Variants in HSD17B13 observed in about 807,000 individuals in gnomAD.
HSD17B13 encodes hydroxysteroid 17-beta dehydrogenase 13, also known as 17-beta-hydroxysteroid dehydrogenase 13.
In HSD17B13, 26 loss-of-function variants were observed where a neutral mutation model predicts 31.1. The ratio of observed to expected loss-of-function variants is 0.84; its 90% CI spans 0.61 to 1.16. The LOEUF (loss-of-function observed/expected upper bound fraction) is 1.16. Among genes scored for constraint, HSD17B13 ranks in the 50% most tolerant of loss-of-function variants. The probability of loss-of-function intolerance (pLI) is 0.00; values close to 1 mark genes in which losing one functional copy is unlikely to be tolerated. For synonymous variants in HSD17B13, 141 were observed against 133.7 expected (o/e 1.05, Z -0.38); for missense variants, 374 against 366.5 (o/e 1.02, Z -0.17).
At position 87,313,956 on chromosome 4, in the gene HSD17B13, T is replaced by C; in HGVS notation, c.562A>G (p.Ser188Gly). The change falls in exon 5 of 7, where the codon AGC becomes GGC. Residue 188 changes from serine to glycine, a missense_variant. Coordinates refer to ENST00000328546, the MANE Select transcript of HSD17B13 (RefSeq NM_178135.5). ...GIPYLIPYCS[S>G]KFAAVGFHRG... ...TGAAAGCCAACAGCGGCAAATTTGCTGGAACTGTAAGAGAATTATTAAGCA... is the reference window on the plus strand; with the variant it reads ...TGAAAGCCAACAGCGGCAAATTTGCCGGAACTGTAAGAGAATTATTAAGCA... The C allele has an allele frequency of 6.4e-7, 1 of 1,560,620 alleles. No individual in the cohort carries two copies. The highest frequency in any genetic ancestry group is 8.7e-7 in the Non-Finnish European group (1 of 1,154,834).
At chr4:87,308,123 C>T (rs1464551429) in intron 6 of HSD17B13, among the ~76,000 whole-genome samples, 1 of 152,150 alleles carries the variant, frequency 6.6e-6, no homozygotes, top group African/African-American at 2.4e-5. Flanking sequence ...TTCTCTAAGA[C>T]TTTAACATTT....
intron 4 of HSD17B13, 147 bp from the exon 5 acceptor site, chr4:87,314,107 T>C: frequency 2.0e-6 from 1 of 491,454 alleles, no homozygotes; most frequent in Non-Finnish European, 3.6e-6. Flanking sequence ...TAAATGGCAA[T>C]TCATTTTCAT....
chr4:87,317,845 A>G (rs1362993210), intron 2 of HSD17B13, among the ~76,000 whole-genome samples: 1 of 152,130 alleles, frequency 6.6e-6, no homozygotes, highest in Non-Finnish European at 1.5e-5. Flanking sequence ...GAATTAAAAA[A>G]TGTAAAGTTT....
chr4:87,306,088 C>T (rs1335413251), intron 6 of HSD17B13, among the ~76,000 whole-genome samples: 1 of 152,146 alleles, frequency 6.6e-6, no homozygotes, highest in Non-Finnish European at 1.5e-5. Flanking sequence ...TCTTAAGATA[C>T]CCAGGTTGCT....
At chr4:87,309,669 G>A (rs1734482282) in intron 6 of HSD17B13, among the ~76,000 whole-genome samples, 1 of 152,062 alleles carries the variant, frequency 6.6e-6, no homozygotes, top group African/African-American at 2.4e-5. Flanking sequence ...TCACTATATT[G>A]CATTCTTTTT....
Position 87,313,868 on chromosome 4 carries a change from C to G in HSD17B13, c.650G>C (p.Cys217Ser). 1 of 1,612,174 alleles carries G rather than the reference C, an allele frequency of 6.2e-7. No homozygotes were observed. Among genetic ancestry groups the G allele is most frequent in the Non-Finnish European group, 8.5e-7 (1 of 1,179,212 alleles). ...GKTGIKTSCLCPVFVNTGFTK... is the reference protein window; with the variant it reads ...GKTGIKTSCLSPVFVNTGFTK... Reference sequence around the variant, plus strand: ...GAACCCAGTATTCACAAAAACTGGGCAGAGACATGAGGTTTTGATACCAGT... The same window carrying G: ...GAACCCAGTATTCACAAAAACTGGGGAGAGACATGAGGTTTTGATACCAGT... The change falls in exon 5 of 7, where the codon TGC (cysteine) becomes TCC (serine). Residue 217 changes from cysteine (C) to serine (S), a missense_variant. Cys to Ser is a moderately radical substitution (Grantham distance 112). Transcript: ENST00000328546.
intron 2 of HSD17B13, 99 bp downstream of exon 2, chr4:87,318,230 C>A: frequency 1.1e-6 from 1 of 882,030 alleles, no homozygotes. Context: ...AGCTAAAATC[C>A]AATTTAAATC....
rs147558643 is a variant in HSD17B13 at position 87,318,364 on chromosome 4, T to C, written c.283A>G (p.Ser95Gly). Residue 95 changes from serine (S) to glycine (G), a missense_variant, in exon 2 of 7, where the codon AGC becomes GGC. Physicochemically the swap from Ser to Gly is moderately conservative, Grantham distance 56. Transcript: ENST00000328546. ...GAGCGATAGATCTCTTCTCTGTTGC[T>C]GCAGTCTACCACATACGCATGCGCA... is the stretch of plus-strand genomic sequence containing the variant. Reference protein sequence around the residue: ...VTAHAYVVDCSNREEIYRSLN... With the variant: ...VTAHAYVVDCGNREEIYRSLN... 2.9e-5 allele frequency: 46 copies of C among 1,614,034 alleles called. No individual in the cohort carries two copies. The highest frequency in any genetic ancestry group is 1.6e-4 in the Middle Eastern group (1 of 6,084).
In HSD17B13 at chr4:87,309,198, C is replaced by A. The variant is rs575159065; in HGVS notation, c.812+1045G>T. 2.6e-5 allele frequency among the ~76,000 whole-genome samples: 4 copies of A among 151,628 alleles called. No homozygotes were observed. In the South Asian group the frequency reaches 8.4e-4, roughly 32 times the overall value. On this transcript the variant is annotated intron_variant, in intron 6 of 6. Transcript: ENST00000328546. Reference sequence around the variant, plus strand: ...AGGAGTTCGAGACCAGCCTGGCCAACATGGTGAAACCCTGTCTCTACTACA... The same window carrying A: ...AGGAGTTCGAGACCAGCCTGGCCAAAATGGTGAAACCCTGTCTCTACTACA...
chr4:87,317,257 T>C, intron 2 of HSD17B13, 34 bp from the exon 3 acceptor site: 1 of 1,608,268 alleles, frequency 6.2e-7, no homozygotes, highest in Non-Finnish European at 8.5e-7. Flanking sequence ...TCACTGGGTG[T>C]ATTATTCAAA....
intron 3 of HSD17B13, among the ~76,000 whole-genome samples, chr4:87,316,141 A>G (rs1468366962): frequency 1.3e-5 from 2 of 152,134 alleles, no homozygotes; most frequent in African/African-American, 2.4e-5. Context: ...TTTTTTTCCA[A>G]AAACCTCTTT....
rs1301961135 is a variant in HSD17B13, at chr4:87,315,579, T to C, written c.471A>G (p.Pro157=). Residue 157 remains proline (P), a synonymous_variant, in exon 4 of 7, where the codon CCA becomes CCG. Transcript: ENST00000328546. ...GHFWITKALL[P]SMMERNHGHI... is the part of the protein sequence containing the mutation. Reference sequence around the variant, plus strand: ...GGCCATGATTTCTCTCCATCATCGATGGAAGAAGTGCTTTTGTGATCTTAA... The same window carrying C: ...GGCCATGATTTCTCTCCATCATCGACGGAAGAAGTGCTTTTGTGATCTTAA... 1.2e-6 allele frequency: 2 copies of C among 1,607,258 alleles called. No individual in the cohort carries two copies. The highest frequency in any genetic ancestry group is 3.3e-5 in the Admixed American group (2 of 59,752).
chr4:87,320,499 G>T (rs935773286), intron 1 of HSD17B13, among the ~76,000 whole-genome samples: 1 of 143,288 alleles, frequency 7.0e-6, no homozygotes, highest in Non-Finnish European at 1.5e-5. Context: ...CCATTCTCCT[G>T]CCTCAGCCTC....
chr4:87,314,622 TTCTCTCTC>T (rs551629239), intron 4 of HSD17B13, among the ~76,000 whole-genome samples: 1 of 142,988 alleles, frequency 7.0e-6, no homozygotes, highest in Non-Finnish European at 1.5e-5. Flanking sequence ...TAGAGTCGTT[TTCTCTCTC>T]TCTCTCTCTC....
At chr4:87,306,585 G>A (rs958556097) in intron 6 of HSD17B13, among the ~76,000 whole-genome samples, 11 of 152,078 alleles carry the variant, frequency 7.2e-5, no homozygotes, top group African/African-American at 2.2e-4. Context: ...TGATGTCCAG[G>A]AATGCATAAG....
rs755552916 is a variant in HSD17B13, at chr4:87,318,470, T to A, written c.211-34A>T. 1.9e-5 allele frequency: 30 copies of A among 1,578,328 alleles called. No homozygotes were observed. In the East Asian group the frequency reaches 6.5e-4, roughly 34 times the overall value. On this transcript the variant is annotated intron_variant, in intron 1 of 6. Coordinates refer to ENST00000328546, the MANE Select transcript of HSD17B13 (RefSeq NM_178135.5). ...AGGAAGAAACAAATTCCGAAAAAAG[T>A]GGAGGAGAAGACATTGGAGAAGAAA...
rs765903026 is a variant in HSD17B13, at chr4:87,317,145, T to C, written c.397A>G (p.Lys133Glu). The C allele has an allele frequency of 1.6e-5, 26 of 1,613,806 alleles. No homozygotes were observed. In the South Asian group the frequency reaches 2.9e-4, roughly 18 times the overall value. Residue 133 changes from lysine (K) to glutamate (E), a missense_variant, in exon 3 of 7, where the codon AAG becomes GAG. Lys to Glu is a moderately conservative substitution (Grantham distance 56). Transcript: ENST00000328546. ...AATGTCTTGGTAATCTCTTCATCCT[T>C]GGTGCTGAGAAGATCGGCTGGATAT... Reference protein sequence around the residue: ...TVYPADLLSTKDEEITKTFEV... With the variant: ...TVYPADLLSTEDEEITKTFEV...
intron 5 of HSD17B13, among the ~76,000 whole-genome samples, chr4:87,311,980 T>A (rs367901326): frequency 6.6e-6 from 1 of 152,186 alleles, no homozygotes; most frequent in African/African-American, 2.4e-5. Flanking sequence ...AAATTCACAA[T>A]CTAGCAACCT....
chr4:87,322,850 T>C lies in HSD17B13; in HGVS notation c.-9A>G. 1.2e-6 allele frequency: 2 copies of C among 1,611,112 alleles called. No homozygotes were observed. Among genetic ancestry groups the C allele is most frequent in the Non-Finnish European group, 1.7e-6 (2 of 1,177,412 alleles). On this transcript the variant is annotated 5_prime_UTR_variant, in exon 1 of 7. Coordinates refer to ENST00000328546, the MANE Select transcript of HSD17B13 (RefSeq NM_178135.5). The stretch of plus-strand genomic sequence containing the variant: ...TCTAGGATGATGTTCATGGCTTTGC[T>C]CTGTCCTCTTCCTTCTGGTTCAGTC...
Sources: gnomAD v4.1 joint callset for allele counts (sites outside exome capture counted in the v4.1 genomes callset) on GRCh38, gnomAD v4.1.1 for gene constraint, MANE v1.5 for transcripts, NCBI Gene and HGNC (gene_info 2026-07-23, HGNC 2026-07-21) for gene names.